Variants in ANO4 observed in about 807,000 individuals in gnomAD.
The protein encoded by ANO4 is anoctamin 4, also known as anoctamin-4.
Under a neutral mutation model 141.9 loss-of-function variants are expected in ANO4, and 69 were observed. The ratio of observed to expected loss-of-function variants is 0.49; its 90% CI spans 0.40 to 0.59. ANO4 has a LOEUF of 0.59. ANO4 is among the 20% of genes least tolerant of loss of function. The probability of loss-of-function intolerance (pLI) is 0.00; values close to 1 mark genes in which losing one functional copy is unlikely to be tolerated. For synonymous variants in ANO4, 350 were observed against 394.3 expected (o/e 0.89, Z 1.33); for missense variants, 894 against 1,162.2 (o/e 0.77, Z 3.36).
intron 9 of ANO4, among the ~76,000 whole-genome samples, chr12:101,032,308 C>T (rs184131792): frequency 7.7e-4 from 118 of 152,276 alleles, no homozygotes; most frequent in African/African-American, 2.5e-3. Flanking sequence ...CTTCAGCAAA[C>T]CTGACAGAAA....
At chr12:100,817,433 A>G (rs967045220) in intron 1 of ANO4, among the ~76,000 whole-genome samples, 1 of 151,872 alleles carries the variant, frequency 6.6e-6, no homozygotes, top group African/African-American at 2.4e-5. Context: ...ATAATTGAGG[A>G]GATTCAAAGC....
intron 10 of ANO4, chr12:101,039,078 G>A (rs2047314159): frequency 6.6e-6 from 1 of 152,162 alleles, no homozygotes; most frequent in Admixed American, 6.5e-5. Context: ...TCTTCAATGA[G>A]GAGGTTGAAT....
intron 25 of ANO4, among the ~76,000 whole-genome samples, chr12:101,117,360 G>A (rs554691928): frequency 6.6e-6 from 1 of 152,208 alleles, no homozygotes; most frequent in East Asian, 1.9e-4. Context: ...CTATACAAAC[G>A]TACATGAAGG....
At position 101,073,420 on chromosome 12, in the gene ANO4, C is replaced by G. The variant is rs185826135; in HGVS notation, c.1313-5773C>G. Among the ~76,000 whole-genome samples the G allele has an allele frequency of 2.1e-3, 314 of 151,968 alleles. 2 individuals are homozygous for G. The highest frequency in any genetic ancestry group is 7.0e-3 in the African/African-American group (291 of 41,464). ...GGGAACATCACACCCCAAGGCATGT[C>G]GTGGGGTGGGGGGCAGGGAGAGGGA... On this transcript the variant is annotated intron_variant, in intron 14 of 27. Coordinates refer to ENST00000392977, the MANE Select transcript of ANO4 (RefSeq NM_001286615.2).
At chr12:100,838,399 G>T (rs2037063265) in intron 1 of ANO4, among the ~76,000 whole-genome samples, 1 of 152,040 alleles carries the variant, frequency 6.6e-6, no homozygotes. Context: ...CAATCATAGG[G>T]AAAAAGAATA....
intron 1 of ANO4, among the ~76,000 whole-genome samples, chr12:100,798,330 C>T (rs957047114): frequency 6.6e-6 from 1 of 152,084 alleles, no homozygotes. Context: ...TTACAGAGTA[C>T]AAAGAGTTAT....
chr12:101,048,095 C>A, intron 13 of ANO4: 1 of 1,169,928 alleles, frequency 8.5e-7, no homozygotes, highest in Non-Finnish European at 1.1e-6. Context: ...ATTGGGGATG[C>A]TGATAAATGT....
intron 14 of ANO4, among the ~76,000 whole-genome samples, chr12:101,073,434 C>A (rs2048900133): frequency 6.6e-6 from 1 of 151,790 alleles, no homozygotes; most frequent in Admixed American, 6.6e-5. Flanking sequence ...GGGTGGGGGG[C>A]AGGGAGAGGG....
At chr12:100,824,880 T>C (rs1197257109) in intron 1 of ANO4, among the ~76,000 whole-genome samples, 1 of 152,066 alleles carries the variant, frequency 6.6e-6, no homozygotes, top group African/African-American at 2.4e-5. Context: ...AATGTTGAAA[T>C]TGAGTGTGCT....
At chr12:100,854,229 C>G (rs113344878) in intron 1 of ANO4, among the ~76,000 whole-genome samples, 1 of 152,034 alleles carries the variant, frequency 6.6e-6, no homozygotes. Context: ...ATTTTTTCAT[C>G]GCTTTCTGTC....
chr12:100,917,595 A>C (rs12296349), intron 2 of ANO4, among the ~76,000 whole-genome samples: 12,395 of 152,290 alleles, frequency 0.081, 774 homozygotes, highest in African/African-American at 0.17. Context: ...TCATCTTTGA[A>C]GATTCATTGG....
intron 1 of ANO4, among the ~76,000 whole-genome samples, chr12:100,724,390 G>A (rs1198389886): frequency 2.0e-5 from 3 of 152,208 alleles, no homozygotes; most frequent in Non-Finnish European, 2.9e-5. Flanking sequence ...ATGAGTAAAA[G>A]ATGGCTTTGC....
chr12:100,899,982 C>T (rs1023149460), intron 1 of ANO4, among the ~76,000 whole-genome samples: 3 of 152,160 alleles, frequency 2.0e-5, no homozygotes, highest in Admixed American at 2.0e-4. Context: ...AACCTACGCA[C>T]TCTGATTCCA....
chr12:101,010,935 C>G (rs2046059680), intron 8 of ANO4, among the ~76,000 whole-genome samples: 1 of 152,172 alleles, frequency 6.6e-6, no homozygotes, highest in Admixed American at 6.5e-5. Context: ...CTGGGAAGTT[C>G]TTCCACTGCT....
At chr12:100,895,037 AAG>A (rs2040283842) in intron 1 of ANO4, among the ~76,000 whole-genome samples, 1 of 151,770 alleles carries the variant, frequency 6.6e-6, no homozygotes, top group South Asian at 2.1e-4. Context: ...GAGAGTAACC[AAG>A]AGAGTTCCCA....
chr12:100,879,972 A>G (rs1225525309), intron 1 of ANO4, among the ~76,000 whole-genome samples: 1 of 152,182 alleles, frequency 6.6e-6, no homozygotes, highest in Non-Finnish European at 1.5e-5. Context: ...AGCTATTGAA[A>G]GAGGAATGGG....
At chr12:100,980,149 A>G (rs535640307) in intron 7 of ANO4, among the ~76,000 whole-genome samples, 2 of 152,322 alleles carry the variant, frequency 1.3e-5, no homozygotes, top group East Asian at 3.9e-4. Flanking sequence ...AGAAGAATTT[A>G]GGCATTGGAA....
chr12:100,965,559 A>G (rs2043615954), intron 5 of ANO4, among the ~76,000 whole-genome samples: 1 of 151,974 alleles, frequency 6.6e-6, no homozygotes, highest in South Asian at 2.1e-4. Flanking sequence ...CTGGCCTGGC[A>G]TGATCATTCC....
intron 3 of ANO4, among the ~76,000 whole-genome samples, chr12:100,927,186 T>G (rs1246887511): frequency 6.6e-6 from 1 of 152,094 alleles, no homozygotes; most frequent in Non-Finnish European, 1.5e-5. Context: ...TTTACAAAAC[T>G]CCTAGGACCT....
Sources: gnomAD v4.1 joint callset for allele counts (sites outside exome capture counted in the v4.1 genomes callset) on GRCh38, gnomAD v4.1.1 for gene constraint, MANE v1.5 for transcripts, NCBI Gene and HGNC (gene_info 2026-07-23, HGNC 2026-07-21) for gene names.